The following HTR7 variants were observed in gnomAD, a reference collection of about 807,000 sequenced individuals.
The protein encoded by HTR7 is 5-hydroxytryptamine receptor 7.
Under a neutral mutation model 34.0 loss-of-function variants are expected in HTR7, and 16 were observed. That is an observed-to-expected ratio of 0.47 (90% CI 0.32 to 0.71). The LOEUF (loss-of-function observed/expected upper bound fraction) is 0.71, where lower values mean the gene tolerates loss of function less well. Ranked by LOEUF, HTR7 falls within the 30% of genes least tolerant of loss-of-function variation. HTR7 has a pLI of 0.04. For synonymous variants in HTR7, 265 were observed against 260.2 expected (o/e 1.02, Z -0.18); for missense variants, 504 against 625.5 (o/e 0.81, Z 2.07).
At chr10:90,836,757 G>T (rs546091775) in intron 1 of HTR7, among the ~76,000 whole-genome samples, 1 of 150,910 alleles carries the variant, frequency 6.6e-6, no homozygotes, top group Non-Finnish European at 1.5e-5. Flanking sequence ...TAATTCTCCC[G>T]CCTTGGCTTC....
intron 1 of HTR7, among the ~76,000 whole-genome samples, chr10:90,824,368 T>C (rs1846035504): frequency 6.6e-6 from 1 of 152,238 alleles, no homozygotes; most frequent in Non-Finnish European, 1.5e-5. Flanking sequence ...TAATCAGCAG[T>C]GGTATCTAGG....
intron 1 of HTR7, among the ~76,000 whole-genome samples, chr10:90,802,544 A>G (rs1037808001): frequency 6.6e-6 from 1 of 152,246 alleles, no homozygotes. Flanking sequence ...AACTAAGTAC[A>G]CTATTGGAAA....
chr10:90,856,326 C>A (rs1348789778), intron 1 of HTR7, among the ~76,000 whole-genome samples: 2 of 152,226 alleles, frequency 1.3e-5, no homozygotes, highest in Non-Finnish European at 2.9e-5. Context: ...GGGTCAAAGA[C>A]TAGCTCCATT....
At chr10:90,756,839 A>AT (rs1386041066) in intron 1 of HTR7, among the ~76,000 whole-genome samples, 1 of 152,066 alleles carries the variant, frequency 6.6e-6, no homozygotes, top group East Asian at 1.9e-4. Context: ...AAACCCTGTC[A>AT]TAAAAAAAAA....
intron 1 of HTR7, among the ~76,000 whole-genome samples, chr10:90,854,228 C>T (rs1209567456): frequency 2.0e-5 from 3 of 152,134 alleles, no homozygotes; most frequent in African/African-American, 7.2e-5. Context: ...TGGCGTGCAC[C>T]TGTAATCCTA....
chr10:90,850,547 A>G (rs1846482114), intron 1 of HTR7, among the ~76,000 whole-genome samples: 1 of 152,266 alleles, frequency 6.6e-6, no homozygotes, highest in Non-Finnish European at 1.5e-5. Context: ...AGAAAAAAAC[A>G]GATCACACAA....
chr10:90,814,832 C>T (rs1411729332), intron 1 of HTR7, among the ~76,000 whole-genome samples: 1 of 152,088 alleles, frequency 6.6e-6, no homozygotes, highest in African/African-American at 2.4e-5. Flanking sequence ...ATTCCCTTTA[C>T]CCTAGATTGG....
intron 1 of HTR7, among the ~76,000 whole-genome samples, chr10:90,835,921 G>C (rs368405330): frequency 2.0e-5 from 3 of 152,196 alleles, no homozygotes; most frequent in African/African-American, 4.8e-5. Flanking sequence ...AACTTGTACT[G>C]GGGTATGGAA....
chr10:90,807,470 T>C (rs1013951785), intron 1 of HTR7, among the ~76,000 whole-genome samples: 8 of 152,280 alleles, frequency 5.3e-5, no homozygotes, highest in African/African-American at 9.6e-5. Flanking sequence ...ACTGATGACA[T>C]TGTCTTGTGA....
intron 1 of HTR7, among the ~76,000 whole-genome samples, chr10:90,827,934 G>T (rs772108830): frequency 3.9e-5 from 6 of 152,178 alleles, no homozygotes; most frequent in Admixed American, 3.9e-4. Context: ...TCAGCACATG[G>T]ATCATTCTCA....
chr10:90,842,916 C>G (rs1846351980), intron 1 of HTR7, among the ~76,000 whole-genome samples: 1 of 152,030 alleles, frequency 6.6e-6, no homozygotes, highest in African/African-American at 2.4e-5. Flanking sequence ...TCTCATGAGG[C>G]CATCCCTTGG....
intron 1 of HTR7, among the ~76,000 whole-genome samples, chr10:90,777,339 G>A (rs923378986): frequency 4.6e-5 from 7 of 152,000 alleles, no homozygotes; most frequent in Non-Finnish European, 8.8e-5. Context: ...AAATTAGCTG[G>A]GTGTGGTGGT....
Position 90,749,453 on chromosome 10 carries a change from A to G in HTR7, c.681T>C (p.Asp227=), listed in dbSNP as rs558516114. The change falls in exon 2 of 4, where the codon GAT becomes GAC. Residue 227 remains aspartate (D), a synonymous_variant. Coordinates refer to ENST00000336152, the MANE Select transcript of HTR7 (RefSeq NM_019859.4). This position sits in a 1 kb window ranked among gnomAD's most constrained non-coding sequence, Gnocchi z 4.2. ...CCTGGCTGATCAAGCACACCTTATC[A>G]TCATTTACATTCTGAGCCCATCCAA... ...PLFGWAQNVN[D]DKVCLISQDF... 1 of 1,614,206 alleles carries G rather than the reference A, an allele frequency of 6.2e-7. No individual in the cohort carries two copies. Among genetic ancestry groups the G allele is most frequent in the South Asian group, 1.1e-5 (1 of 91,080 alleles).
chr10:90,807,399 C>A (rs58868307), intron 1 of HTR7, among the ~76,000 whole-genome samples: 39,451 of 151,948 alleles, frequency 0.26, 5,440 homozygotes, highest in African/African-American at 0.35. Context: ...ATATGCCCTG[C>A]CTCACCTCAA....
chr10:90,780,536 C>CA (rs57590024), intron 1 of HTR7, among the ~76,000 whole-genome samples: 9,687 of 70,516 alleles, frequency 0.14, 568 homozygotes, highest in East Asian at 0.27. Context: ...GACTCCATCT[C>CA]AAAAAAAAAA....
chr10:90,794,892 T>C lies in HTR7; in HGVS notation c.540-45298A>G, dbSNP rs569827096. ...TCACCACAAACACGTGAGTAAGGCATTGTGCTATGACGTAAAGATGGCTAC... is the reference window on the plus strand; with the variant it reads ...TCACCACAAACACGTGAGTAAGGCACTGTGCTATGACGTAAAGATGGCTAC... On this transcript the variant is annotated intron_variant, in intron 1 of 3. Transcript: ENST00000336152. Among the ~76,000 whole-genome samples the C allele has an allele frequency of 5.3e-5, 8 of 152,324 alleles. No homozygotes were observed. In the South Asian group the frequency reaches 1.5e-3, roughly 28 times the overall value.
rs1177550197 is a variant in HTR7 at position 90,857,123 on chromosome 10, C to T, written c.539+10G>A. The T allele has an allele frequency of 3.9e-6, 6 of 1,553,624 alleles. No individual in the cohort carries two copies. In the Admixed American group the frequency reaches 5.6e-5, roughly 14 times the overall value. On this transcript the variant is annotated intron_variant, in intron 1 of 3. Coordinates refer to ENST00000336152, the MANE Select transcript of HTR7 (RefSeq NM_019859.4). The surrounding 1 kb of genome is among the most constrained non-coding windows in gnomAD (Gnocchi z 6.5). The stretch of plus-strand genomic sequence containing the variant: ...AGCCGGAGCCTGGGACGGGGCGGTC[C>T]GGCCCTTACCTGTCAATGCTGATCA...
chr10:90,856,759 T>A (rs746546630), intron 1 of HTR7, among the ~76,000 whole-genome samples: 4 of 152,192 alleles, frequency 2.6e-5, no homozygotes, highest in Admixed American at 2.6e-4. Context: ...ATTATTATTA[T>A]TTTTTAATGA....
intron 1 of HTR7, among the ~76,000 whole-genome samples, chr10:90,826,129 T>G (rs1057029682): frequency 6.6e-6 from 1 of 152,110 alleles, no homozygotes; most frequent in African/African-American, 2.4e-5. Context: ...CAACATACTA[T>G]GAGCTCTAAT....
Sources: gnomAD v4.1 joint callset for allele counts (sites outside exome capture counted in the v4.1 genomes callset) on GRCh38, gnomAD v4.1.1 for gene constraint, Gnocchi (gnomAD v3.1) non-coding constraint, MANE v1.5 for transcripts, NCBI Gene and HGNC (gene_info 2026-07-23, HGNC 2026-07-21) for gene names.